Variants in MSRB3 observed in about 807,000 individuals in gnomAD.
The protein encoded by MSRB3 is methionine-R-sulfoxide reductase B3.
Under a neutral mutation model 21.0 loss-of-function variants are expected in MSRB3, and 13 were observed. The observed-to-expected ratio is 0.62, with a 90% CI of 0.40 to 0.98. The LOEUF (loss-of-function observed/expected upper bound fraction) is 0.98, where lower values mean the gene tolerates loss of function less well. Among genes scored for constraint, MSRB3 ranks in the 50% least tolerant of loss-of-function variants. The probability of loss-of-function intolerance (pLI) is 0.00; values close to 1 mark genes in which losing one functional copy is unlikely to be tolerated. For synonymous variants in MSRB3, 87 were observed against 88.6 expected (o/e 0.98, Z 0.10); for missense variants, 199 against 230.3 (o/e 0.86, Z 0.88).
chr12:65,448,598 A>G (rs1475428915), intron 5 of MSRB3, among the ~76,000 whole-genome samples: 1 of 152,230 alleles, frequency 6.6e-6, no homozygotes, highest in Non-Finnish European at 1.5e-5. Flanking sequence ...CCATATGTAT[A>G]TCTGTGCTGT....
At chr12:65,419,996 A>G in intron 5 of MSRB3, 2 of 567,884 alleles carry the variant, frequency 3.5e-6, no homozygotes, top group Admixed American at 3.8e-5. Context: ...TAGTTGGTGG[A>G]CAAGGTGGAG....
chr12:65,393,539 G>A (rs575468875), intron 5 of MSRB3, among the ~76,000 whole-genome samples: 9 of 151,102 alleles, frequency 6.0e-5, no homozygotes, highest in Non-Finnish European at 1.0e-4. Context: ...GCTGAGGCAC[G>A]AGAATGGCGT....
intron 5 of MSRB3, among the ~76,000 whole-genome samples, chr12:65,387,035 A>G (rs1320928984): frequency 3.3e-5 from 5 of 152,016 alleles, no homozygotes; most frequent in Admixed American, 6.5e-5. Flanking sequence ...GAGTTTATTT[A>G]TGTAAGGCTA....
chr12:65,432,201 A>G (rs543526655), intron 5 of MSRB3, among the ~76,000 whole-genome samples: 2,760 of 152,156 alleles, frequency 0.018, 33 homozygotes, highest in Admixed American at 0.043. Flanking sequence ...GAGAGTAGAA[A>G]AAAATCAATG....
At position 65,401,612 on chromosome 12, in the gene MSRB3, T is replaced by C. The variant is rs1322762264; in HGVS notation, c.292+32586T>C. ...TTGGGGCATTTAACCCATTTACATG[T>C]AAAGTTAATATTGTTATGTGTGTAT... On this transcript the variant is annotated intron_variant, in intron 5 of 6. Transcript: ENST00000308259. 2.6e-5 allele frequency among the ~76,000 whole-genome samples: 4 copies of C among 152,230 alleles called. No homozygotes were observed. In the East Asian group the frequency reaches 7.7e-4, roughly 29 times the overall value.
At chr12:65,408,170 C>G (rs1565878242) in intron 5 of MSRB3, among the ~76,000 whole-genome samples, 2 of 152,104 alleles carry the variant, frequency 1.3e-5, no homozygotes, top group Non-Finnish European at 2.9e-5. Context: ...TCTCAGCTCA[C>G]TGCAACCTCC....
chr12:65,379,933 C>T (rs752374276), intron 5 of MSRB3, among the ~76,000 whole-genome samples: 5 of 151,996 alleles, frequency 3.3e-5, no homozygotes, highest in Non-Finnish European at 7.4e-5. Flanking sequence ...TAAGACATGG[C>T]GAAGGACATA....
At chr12:65,456,116 G>A (rs1304104829) in intron 6 of MSRB3, among the ~76,000 whole-genome samples, 1 of 152,132 alleles carries the variant, frequency 6.6e-6, no homozygotes, top group African/African-American at 2.4e-5. Context: ...AAGTAGGATG[G>A]CTTACATTAA....
intron 4 of MSRB3, among the ~76,000 whole-genome samples, chr12:65,346,527 C>T (rs866731772): frequency 3.3e-5 from 5 of 152,130 alleles, no homozygotes; most frequent in East Asian, 1.9e-4. Context: ...TTCTCCCATT[C>T]TGTAGGTTGA....
intron 4 of MSRB3, among the ~76,000 whole-genome samples, chr12:65,364,339 A>T (rs929161056): frequency 6.6e-6 from 1 of 152,176 alleles, no homozygotes; most frequent in Non-Finnish European, 1.5e-5. Context: ...TTCTAAAATT[A>T]AAAGGGGGAG....
chr12:65,401,283 T>G (rs913786593), intron 5 of MSRB3, among the ~76,000 whole-genome samples: 1 of 152,228 alleles, frequency 6.6e-6, no homozygotes, highest in Non-Finnish European at 1.5e-5. Flanking sequence ...GCTTTATGAA[T>G]CTGGGTGCTC....
chr12:65,397,288 A>G (rs1879867797), intron 5 of MSRB3, among the ~76,000 whole-genome samples: 1 of 152,132 alleles, frequency 6.6e-6, no homozygotes, highest in Non-Finnish European at 1.5e-5. Flanking sequence ...GACAGCATAT[A>G]TTTGGGTCTT....
At chr12:65,378,578 G>A (rs549254102) in intron 5 of MSRB3, among the ~76,000 whole-genome samples, 5 of 152,184 alleles carry the variant, frequency 3.3e-5, no homozygotes, top group African/African-American at 1.2e-4. Flanking sequence ...GTTTGTATAT[G>A]GTTGCGATGT....
chr12:65,444,750 T>TA (rs1882537573), intron 5 of MSRB3, among the ~76,000 whole-genome samples: 1 of 152,222 alleles, frequency 6.6e-6, no homozygotes. Flanking sequence ...GTCCTTTCTC[T>TA]AGATTATGTG....
intron 4 of MSRB3, among the ~76,000 whole-genome samples, chr12:65,367,017 A>AT (rs1878050243): frequency 6.6e-6 from 1 of 152,308 alleles, no homozygotes; most frequent in Admixed American, 6.5e-5. Context: ...AGTGGGCAGT[A>AT]TGTCCAATGA....
At chr12:65,439,518 T>A (rs1882274842) in intron 5 of MSRB3, among the ~76,000 whole-genome samples, 1 of 151,628 alleles carries the variant, frequency 6.6e-6, no homozygotes, top group Admixed American at 6.6e-5. Flanking sequence ...AGATGATATA[T>A]CATGTATGTG....
intron 1 of MSRB3, among the ~76,000 whole-genome samples, chr12:65,298,330 T>C (rs558809582): frequency 2.0e-5 from 3 of 152,172 alleles, no homozygotes; most frequent in Non-Finnish European, 4.4e-5. Flanking sequence ...AACAAAGAAA[T>C]ACAGACAGAA....
intron 5 of MSRB3, among the ~76,000 whole-genome samples, chr12:65,448,091 T>G (rs1052994938): frequency 6.6e-6 from 1 of 152,156 alleles, no homozygotes; most frequent in African/African-American, 2.4e-5. Flanking sequence ...TCTTAGAATC[T>G]ATAGAAAAGC....
rs6581639 is a variant in MSRB3, at chr12:65,460,334, G to C, written c.391-2821G>C. 7.2e-5 allele frequency among the ~76,000 whole-genome samples: 11 copies of C among 152,086 alleles called. No homozygotes were observed. The South Asian group carries it at 2.3e-3, about 32-fold the overall frequency. ...GCTGCAAAGAATGGGCTCCGTGCGC[G>C]TACTCTCAGGGAGGAGCCTTCAAGG... On this transcript the variant is annotated intron_variant, in intron 6 of 6. Coordinates refer to ENST00000308259, the MANE Select transcript of MSRB3 (RefSeq NM_001031679.3).
Sources: gnomAD v4.1 joint callset for allele counts (sites outside exome capture counted in the v4.1 genomes callset) on GRCh38, gnomAD v4.1.1 for gene constraint, MANE v1.5 for transcripts, NCBI Gene and HGNC (gene_info 2026-07-23, HGNC 2026-07-21) for gene names.